Variants in ZNF644 observed in about 807,000 individuals in gnomAD.
ZNF644 encodes the protein zinc finger protein 644.
ZNF644 carries 20 observed loss-of-function variants against 108.0 expected under a neutral mutation model. The observed-to-expected ratio is 0.19, with a 90% CI of 0.13 to 0.27. The LOEUF is 0.27. Ranked by LOEUF, ZNF644 falls within the 10% of genes least tolerant of loss-of-function variation. The probability of loss-of-function intolerance (pLI) is 1.00; values close to 1 mark genes in which losing one functional copy is unlikely to be tolerated. For missense variants in ZNF644, 1,338 were observed against 1,548.9 expected (o/e 0.86, Z 2.29); for synonymous variants, 542 against 539.1 (o/e 1.01, Z -0.08).
At chr1:90,960,553 C>T (rs1048656361) in intron 2 of ZNF644, among the ~76,000 whole-genome samples, 2 of 152,072 alleles carry the variant, frequency 1.3e-5, no homozygotes, top group Non-Finnish European at 2.9e-5. Context: ...AATGGTTAAT[C>T]GTATGTAATG....
chr1:91,006,555 C>G (rs1659437869), intron 1 of ZNF644, among the ~76,000 whole-genome samples: 1 of 152,200 alleles, frequency 6.6e-6, no homozygotes, highest in East Asian at 1.9e-4. Context: ...ATATTGCCCT[C>G]ATACCAAAAT....
intron 4 of ZNF644, among the ~76,000 whole-genome samples, chr1:90,920,222 C>G (rs557328549): frequency 2.6e-5 from 4 of 151,936 alleles, no homozygotes; most frequent in African/African-American, 9.7e-5. Context: ...CATAAGATTA[C>G]AGGTAGAATC....
rs572844700 is a variant in ZNF644 at position 90,968,869 on chromosome 1, A to G, written c.44+13441T>C. Among the ~76,000 whole-genome samples, 3 of 152,326 alleles carry G rather than the reference A, an allele frequency of 2.0e-5. No homozygotes were observed. In the South Asian group the frequency reaches 6.2e-4, roughly 32 times the overall value. The stretch of plus-strand genomic sequence containing the variant: ...CATATATGCACATCTAGATGCATTT[A>G]TCCTATTTACTTGCCACAGCAAACC... On this transcript the variant is annotated intron_variant, in intron 2 of 5. Transcript: ENST00000337393.
At chr1:90,999,188 G>C (rs990484373) in intron 1 of ZNF644, among the ~76,000 whole-genome samples, 1 of 152,106 alleles carries the variant, frequency 6.6e-6, no homozygotes, top group Non-Finnish European at 1.5e-5. Flanking sequence ...AGGAAATACA[G>C]AGAACACCAC....
intron 1 of ZNF644, among the ~76,000 whole-genome samples, chr1:90,985,467 C>A (rs1410384549): frequency 6.6e-6 from 1 of 152,146 alleles, no homozygotes; most frequent in Non-Finnish European, 1.5e-5. Context: ...CCATCCACTC[C>A]CCAACCCAGC....
At chr1:91,001,884 C>T (rs1658872473) in intron 1 of ZNF644, among the ~76,000 whole-genome samples, 1 of 151,694 alleles carries the variant, frequency 6.6e-6, no homozygotes, top group Non-Finnish European at 1.5e-5. Context: ...CATTCTTATA[C>T]ACCAATAACA....
intron 4 of ZNF644, among the ~76,000 whole-genome samples, chr1:90,920,831 G>C (rs1242484252): frequency 1.3e-5 from 2 of 151,950 alleles, no homozygotes; most frequent in African/African-American, 4.8e-5. Flanking sequence ...AAAAATCTGG[G>C]AACTTTGGAA....
rs1651625410 is a variant in ZNF644 at position 90,938,777 on chromosome 1, A to T, written c.2577T>A (p.Ser859Arg). 9.9e-6 allele frequency: 16 copies of T among 1,613,856 alleles called. No individual in the cohort carries two copies. Among genetic ancestry groups the T allele is most frequent in the Non-Finnish European group, 1.2e-5 (14 of 1,179,906 alleles). ...CTCCTAACTCAACATTATCCCAGGA[A>T]CTTTCATCTTCTGTTTCATAACTAT... is the stretch of plus-strand genomic sequence containing the variant. ...KKDSYETEDE[S>R]SWDNVELGDY... Residue 859 changes from serine (S) to arginine (R), a missense_variant, in exon 3 of 6, where the codon AGT becomes AGA. Around this residue, in one of 6 missense-constraint regions of ZNF644, gnomAD observed 462 missense variants for 472.6 expected, o/e 0.98. Coordinates refer to ENST00000337393, the MANE Select transcript of ZNF644 (RefSeq NM_201269.3). The surrounding 1 kb of genome is among the most constrained non-coding windows in gnomAD (Gnocchi z 4.2).
Position 90,939,163 on chromosome 1 carries a change from T to G in ZNF644, c.2191A>C (p.Asn731His). 1 of 1,613,856 alleles carries G rather than the reference T, an allele frequency of 6.2e-7. No individual in the cohort carries two copies. The highest frequency in any genetic ancestry group is 8.5e-7 in the Non-Finnish European group (1 of 1,179,924). ...YFHQAAKEKS[N>H]AKANSHYLYR... is the part of the protein sequence containing the mutation. The stretch of plus-strand genomic sequence containing the variant: ...AAATAGTGGCTATTTGCCTTGGCAT[T>G]AGACTTTTCTTTTGCTGCTTGATGG... Residue 731 changes from asparagine (N) to histidine (H), a missense_variant, in exon 3 of 6, where the codon AAT (asparagine) becomes CAT (histidine). Physicochemically the swap from Asn to His is moderately conservative, Grantham distance 68. This residue lies in a region of ZNF644 where 462 missense variants were observed against 472.6 expected (regional missense o/e 0.98). Transcript: ENST00000337393.
At chr1:90,993,792 T>G (rs745859829) in intron 1 of ZNF644, among the ~76,000 whole-genome samples, 1 of 152,232 alleles carries the variant, frequency 6.6e-6, no homozygotes, top group Non-Finnish European at 1.5e-5. Flanking sequence ...AATTTTTTTG[T>G]GAAATATTGT....
intron 2 of ZNF644, among the ~76,000 whole-genome samples, chr1:90,950,658 C>T (rs1384903161): frequency 1.3e-5 from 2 of 151,938 alleles, no homozygotes; most frequent in African/African-American, 2.4e-5. Context: ...AGGCTTTAAA[C>T]GATTCTCCCA....
intron 5 of ZNF644, 30 bp from the exon 6 acceptor site, chr1:90,917,020 G>C: frequency 1.2e-6 from 2 of 1,607,800 alleles, no homozygotes; most frequent in Non-Finnish European, 1.7e-6. Context: ...CTCTTAACAT[G>C]ACCAATTCTC....
chr1:91,006,597 A>C (rs1659442707), intron 1 of ZNF644, among the ~76,000 whole-genome samples: 1 of 152,182 alleles, frequency 6.6e-6, no homozygotes, highest in African/African-American at 2.4e-5. Flanking sequence ...AACTACCAAC[A>C]AATATCCCTT....
chr1:91,015,490 A>C (rs1301940304), intron 1 of ZNF644, among the ~76,000 whole-genome samples: 1 of 152,218 alleles, frequency 6.6e-6, no homozygotes, highest in Non-Finnish European at 1.5e-5. Flanking sequence ...TCTCTCTACT[A>C]ATAGTCACCA....
intron 1 of ZNF644, among the ~76,000 whole-genome samples, chr1:90,984,672 C>A (rs895723079): frequency 6.6e-6 from 1 of 152,148 alleles, no homozygotes; most frequent in Non-Finnish European, 1.5e-5. Flanking sequence ...GGATTACAGG[C>A]GTGAGCCACC....
chr1:90,996,889 A>G (rs529768978), intron 1 of ZNF644, among the ~76,000 whole-genome samples: 1 of 152,248 alleles, frequency 6.6e-6, no homozygotes, highest in Non-Finnish European at 1.5e-5. Context: ...TATTTAACAC[A>G]TCTGGTGGTC....
intron 1 of ZNF644, among the ~76,000 whole-genome samples, chr1:91,008,003 T>C (rs1173151723): frequency 2.0e-5 from 3 of 152,208 alleles, no homozygotes; most frequent in Non-Finnish European, 4.4e-5. Flanking sequence ...TTTTTCCTGA[T>C]CTCAGCAGTT....
intron 1 of ZNF644, among the ~76,000 whole-genome samples, chr1:91,019,811 C>T (rs1660737880): frequency 6.6e-6 from 1 of 152,144 alleles, no homozygotes; most frequent in Non-Finnish European, 1.5e-5. Context: ...GTGATCTGCT[C>T]GCCTCAGCCT....
intron 2 of ZNF644, among the ~76,000 whole-genome samples, chr1:90,969,727 T>A (rs1655270471): frequency 6.6e-6 from 1 of 152,216 alleles, no homozygotes; most frequent in Non-Finnish European, 1.5e-5. Flanking sequence ...TCTATTATTA[T>A]TGTTTTAAAT....
Sources: allele counts gnomAD v4.1 joint callset (sites outside exome capture counted in the v4.1 genomes callset), GRCh38; gene constraint gnomAD v4.1.1; regional missense constraint gnomAD v4.1.1; non-coding constraint Gnocchi (gnomAD v3.1); transcripts MANE v1.5; gene names NCBI Gene and HGNC (gene_info 2026-07-23, HGNC 2026-07-21).